TRIM5: variants seen among roughly 807,000 people sequenced by gnomAD.
TRIM5 encodes tripartite motif containing 5.
A neutral mutation model predicts 35.6 loss-of-function variants in TRIM5; 31 were observed. The observed-to-expected ratio is 0.87, with a 90% confidence interval of 0.65 to 1.18. The LOEUF (loss-of-function observed/expected upper bound fraction) is 1.18, where lower values mean the gene tolerates loss of function less well. Among genes scored for constraint, TRIM5 ranks in the 50% most tolerant of loss-of-function variants. The probability of loss-of-function intolerance (pLI) is 0.00; values close to 1 mark genes in which losing one functional copy is unlikely to be tolerated. For missense variants in TRIM5, 609 were observed against 591.6 expected (o/e 1.03, Z -0.31); for synonymous variants, 243 against 215.6 (o/e 1.13, Z -1.11).
the TRIM5 span, among the ~76,000 whole-genome samples, chr11:5,637,424 A>T: frequency 6.6e-6 from 1 of 152,210 alleles, no homozygotes; most frequent in Admixed American, 6.5e-5. Context: ...TGCAAAAATT[A>T]GATGAGATTT....
the TRIM5 span, chr11:5,604,717 GTCC>G: frequency 1.5e-6 from 2 of 1,367,010 alleles, no homozygotes; most frequent in Non-Finnish European, 2.0e-6. Context: ...TGTCCTGTCT[GTCC>G]TCTGATGCCA....
At chr11:5,598,513 A>G in the TRIM5 span, among the ~76,000 whole-genome samples, 3 of 152,248 alleles carry the variant, frequency 2.0e-5, no homozygotes, top group African/African-American at 7.2e-5. Flanking sequence ...CTCATTAAAA[A>G]TAAGCGGGTG....
the TRIM5 span, chr11:5,645,822 T>C: frequency 4.3e-6 from 1 of 233,756 alleles, no homozygotes; most frequent in Non-Finnish European, 7.9e-6. Flanking sequence ...ATGAGACTTT[T>C]ACCCAGATGT....
rs768816295 is a variant in TRIM5 at position 5,680,031 on chromosome 11, G to C, written c.147C>G (p.Asp49Glu). 3.1e-6 allele frequency: 5 copies of C among 1,613,996 alleles called. No individual in the cohort carries two copies. Among genetic ancestry groups the C allele is most frequent in the Admixed American group, 1.7e-5 (1 of 60,004 alleles). The change falls in exon 2 of 8, where the codon GAC (aspartate) becomes GAG (glutamate). Residue 49 changes from aspartate to glutamate, a missense_variant. Asp to Glu is a conservative substitution (Grantham distance 45). Coordinates refer to ENST00000380034, the MANE Select transcript of TRIM5 (RefSeq NM_033034.3). ...ACACAGGGCAGCTACTCTCTCCTTT[G>C]TCTAGCATGGACTTCTTGTGGTTTG... The part of the protein sequence containing the change: ...LTANHKKSML[D>E]KGESSCPVCR...
chr11:5,591,746 G>A, the TRIM5 span, among the ~76,000 whole-genome samples: 36 of 152,306 alleles, frequency 2.4e-4, no homozygotes, highest in African/African-American at 7.7e-4. Flanking sequence ...ATGGGGTGAT[G>A]CAAGGGCTCA....
chr11:5,591,971 A>G, the TRIM5 span, among the ~76,000 whole-genome samples: 2 of 152,208 alleles, frequency 1.3e-5, no homozygotes. Flanking sequence ...CGCTGAGGTT[A>G]TAACATCTTG....
the TRIM5 span, among the ~76,000 whole-genome samples, chr11:5,636,868 G>A: frequency 1.4e-4 from 21 of 152,060 alleles, no homozygotes; most frequent in African/African-American, 5.1e-4. Flanking sequence ...ATCTGTTGGC[G>A]GGGCGCGGTG....
the TRIM5 span, among the ~76,000 whole-genome samples, chr11:5,629,682 A>G: frequency 7.9e-5 from 12 of 152,322 alleles, no homozygotes; most frequent in Admixed American, 2.0e-4. Flanking sequence ...GGGCCGCTTC[A>G]GGTGAGCTCT....
intron 5 of TRIM5, 189 bp from the exon 6 acceptor site, chr11:5,666,270 C>T (rs1304792002): frequency 6.0e-6 from 4 of 668,984 alleles, no homozygotes; most frequent in Non-Finnish European, 1.1e-5. Context: ...TTCCCACTTA[C>T]TTTCTGTGAG....
chr11:5,623,396 C>G, the TRIM5 span, among the ~76,000 whole-genome samples: 1 of 151,950 alleles, frequency 6.6e-6, no homozygotes, highest in Non-Finnish European at 1.5e-5. Flanking sequence ...GAGACAGAGT[C>G]TTGCTCTGAC....
At chr11:5,639,451 A>T in the TRIM5 span, among the ~76,000 whole-genome samples, 3 of 151,524 alleles carry the variant, frequency 2.0e-5, no homozygotes, top group Non-Finnish European at 2.9e-5. Flanking sequence ...GAGACCGAAG[A>T]GGGCGGATCA....
At chr11:5,679,374 C>T (rs1208522216) in intron 2 of TRIM5, among the ~76,000 whole-genome samples, 1 of 152,182 alleles carries the variant, frequency 6.6e-6, no homozygotes, top group African/African-American at 2.4e-5. Context: ...TCCCCATCTC[C>T]TCACCATGAG....
At chr11:5,589,479 T>C in the TRIM5 span, 2 of 152,184 alleles carry the variant, frequency 1.3e-5, no homozygotes, top group Non-Finnish European at 2.9e-5. Context: ...TGCAAGTTTT[T>C]CTGATCACTT....
the TRIM5 span, among the ~76,000 whole-genome samples, chr11:5,657,697 A>AT: frequency 7.7e-6 from 1 of 129,060 alleles, no homozygotes; most frequent in Non-Finnish European, 1.6e-5. Context: ...TTTATAATAT[A>AT]ATATATATAA....
In TRIM5 at chr11:5,667,684, C is replaced by T. The variant is rs1408843249; in HGVS notation, c.767+5G>A. 1.9e-6 allele frequency: 3 copies of T among 1,613,626 alleles called. No homozygotes were observed. In the African/African-American group the frequency reaches 4.0e-5, roughly 22 times the overall value. ...AAAGGACCATCTCTGTCCTCCCACACATACCTTTTTATGACGCCATCCACA... is the reference window on the plus strand; with the variant it reads ...AAAGGACCATCTCTGTCCTCCCACATATACCTTTTTATGACGCCATCCACA... On this transcript the variant is annotated splice_donor_5th_base_variant and intron_variant, in intron 5 of 7. Coordinates refer to ENST00000380034, the MANE Select transcript of TRIM5 (RefSeq NM_033034.3).
chr11:5,604,753 C>T, the TRIM5 span: 1 of 997,922 alleles, frequency 1.0e-6, no homozygotes, highest in Admixed American at 2.9e-5. Flanking sequence ...CTTCCCTTTG[C>T]CTGGTCCTCC....
chr11:5,670,768 A>T (rs1195991324), intron 4 of TRIM5, among the ~76,000 whole-genome samples: 3 of 137,676 alleles, frequency 2.2e-5, no homozygotes, highest in African/African-American at 9.5e-5. Flanking sequence ...GAGGCAAACC[A>T]AAGATACATG....
At chr11:5,622,813 T>C in the TRIM5 span, among the ~76,000 whole-genome samples, 1 of 152,170 alleles carries the variant, frequency 6.6e-6, no homozygotes, top group East Asian at 1.9e-4. Flanking sequence ...TCAATCAATT[T>C]AGGAAGTTTA....
At chr11:5,651,853 G>A in the TRIM5 span, among the ~76,000 whole-genome samples, 18 of 152,192 alleles carry the variant, frequency 1.2e-4, no homozygotes, top group African/African-American at 4.3e-4. Flanking sequence ...GGTGGGAGAT[G>A]GTATCTCATT....
Sources: allele counts gnomAD v4.1 joint callset (sites outside exome capture counted in the v4.1 genomes callset), GRCh38; gene constraint gnomAD v4.1.1; transcripts MANE v1.5; gene names NCBI Gene and HGNC (gene_info 2026-07-23, HGNC 2026-07-21).